The following JAZF1 variants were observed in gnomAD, a reference collection of about 807,000 sequenced individuals.
The protein encoded by JAZF1 is juxtaposed with another zinc finger protein 1.
A neutral mutation model predicts 26.4 loss-of-function variants in JAZF1; 8 were observed. The ratio of observed to expected loss-of-function variants is 0.30; its 90% CI spans 0.18 to 0.55. The LOEUF (loss-of-function observed/expected upper bound fraction) is 0.55, where lower values mean the gene tolerates loss of function less well. Among genes scored for constraint, JAZF1 ranks in the 20% least tolerant of loss-of-function variants. JAZF1 has a pLI of 0.94. For missense variants in JAZF1, 199 were observed against 322.0 expected (o/e 0.62, Z 2.92); for synonymous variants, 126 against 122.3 (o/e 1.03, Z -0.20).
At chr7:28,076,426 G>A (rs1222835002) in intron 1 of JAZF1, among the ~76,000 whole-genome samples, 3 of 152,060 alleles carry the variant, frequency 2.0e-5, no homozygotes, top group Non-Finnish European at 4.4e-5. Context: ...AAGGCCAAAG[G>A]TTCAATGCAG....
chr7:28,140,448 T>C (rs1300023350), intron 1 of JAZF1, among the ~76,000 whole-genome samples: 1 of 152,026 alleles, frequency 6.6e-6, no homozygotes, highest in African/African-American at 2.4e-5. Context: ...TGTCAAAATA[T>C]GAGGAAGGCT....
Position 28,070,576 on chromosome 7 carries a change from G to A in JAZF1, c.116-78595C>T, listed in dbSNP as rs535612710. ...ACGATCCTGCCCCATGTCCGGCTCC[G>A]GGCAGGCTGTCAGTGGCAGCTGGTC... On this transcript the variant is annotated intron_variant, in intron 1 of 4. Coordinates refer to ENST00000283928, the MANE Select transcript of JAZF1 (RefSeq NM_175061.4). 2.2e-3 allele frequency among the ~76,000 whole-genome samples: 328 copies of A among 152,264 alleles called. 1 individual carries two copies. Among genetic ancestry groups the A allele is most frequent in the African/African-American group, 7.5e-3 (313 of 41,560 alleles).
At chr7:27,944,939 A>G (rs1433933689) in intron 2 of JAZF1, among the ~76,000 whole-genome samples, 1 of 152,138 alleles carries the variant, frequency 6.6e-6, no homozygotes, top group Non-Finnish European at 1.5e-5. Context: ...CCCTTTCCGG[A>G]ACGCTGTCAT....
At chr7:28,068,152 T>C (rs1345109285) in intron 1 of JAZF1, among the ~76,000 whole-genome samples, 1 of 151,956 alleles carries the variant, frequency 6.6e-6, no homozygotes, top group Non-Finnish European at 1.5e-5. Flanking sequence ...TGACATCAGA[T>C]GATCTGCCCA....
At chr7:28,144,986 A>G (rs1783003850) in intron 1 of JAZF1, among the ~76,000 whole-genome samples, 1 of 152,150 alleles carries the variant, frequency 6.6e-6, no homozygotes, top group African/African-American at 2.4e-5. Context: ...AGATGAGATC[A>G]CTCTCCTCTT....
At chr7:28,042,252 C>T (rs138959432) in intron 1 of JAZF1, among the ~76,000 whole-genome samples, 5 of 152,208 alleles carry the variant, frequency 3.3e-5, no homozygotes, top group South Asian at 4.2e-4. Flanking sequence ...ATCTGATTAC[C>T]GTGCAGGGTG....
intron 1 of JAZF1, among the ~76,000 whole-genome samples, chr7:28,004,212 C>T (rs1033991287): frequency 6.6e-6 from 1 of 152,028 alleles, no homozygotes; most frequent in Admixed American, 6.6e-5. Context: ...GGGGGGGTAC[C>T]TGATGAGCCA....
At chr7:28,014,256 T>C (rs1327811358) in intron 1 of JAZF1, among the ~76,000 whole-genome samples, 1 of 152,134 alleles carries the variant, frequency 6.6e-6, no homozygotes, top group African/African-American at 2.4e-5. Context: ...TGGCTACTGG[T>C]TCCCAGTAAC....
intron 1 of JAZF1, among the ~76,000 whole-genome samples, chr7:28,042,424 A>G (rs552865748): frequency 6.6e-6 from 1 of 152,140 alleles, no homozygotes; most frequent in Non-Finnish European, 1.5e-5. Context: ...CAAGTTTTAG[A>G]AAGACCACTG....
At chr7:27,873,117 C>G (rs575471540) in intron 3 of JAZF1, among the ~76,000 whole-genome samples, 41 of 152,284 alleles carry the variant, frequency 2.7e-4, no homozygotes, top group African/African-American at 9.4e-4. Flanking sequence ...CACTGAAAAG[C>G]TTCCACATCA....
At chr7:27,914,228 A>G (rs1397117272) in intron 2 of JAZF1, among the ~76,000 whole-genome samples, 9 of 152,162 alleles carry the variant, frequency 5.9e-5, no homozygotes, top group Non-Finnish European at 8.8e-5. Flanking sequence ...CTGTAACTCC[A>G]TTTCACAAGT....
intron 1 of JAZF1, among the ~76,000 whole-genome samples, chr7:28,160,552 C>CT (rs1248806639): frequency 6.6e-6 from 1 of 152,104 alleles, no homozygotes; most frequent in Non-Finnish European, 1.5e-5. Context: ...GCTGCAAACT[C>CT]TAAGATTCTC....
At chr7:28,080,014 A>ATGTC (rs1554286692) in intron 1 of JAZF1, among the ~76,000 whole-genome samples, 2 of 152,210 alleles carry the variant, frequency 1.3e-5, no homozygotes, top group Non-Finnish European at 2.9e-5. Flanking sequence ...GTGCAATAAC[A>ATGTC]TGTCTTTAAA....
At chr7:27,848,229 A>C (rs77700230) in intron 3 of JAZF1, among the ~76,000 whole-genome samples, 1,713 of 152,190 alleles carry the variant, frequency 0.011, 32 homozygotes, top group African/African-American at 0.039. Flanking sequence ...GTCTTCTTCA[A>C]TTTCCTTCAT....
At chr7:27,911,741 G>A (rs1210564795) in intron 2 of JAZF1, among the ~76,000 whole-genome samples, 2 of 152,102 alleles carry the variant, frequency 1.3e-5, no homozygotes, top group Non-Finnish European at 2.9e-5. Flanking sequence ...TGGACAAACA[G>A]GTCAGTGATC....
intron 1 of JAZF1, among the ~76,000 whole-genome samples, chr7:28,013,911 C>A (rs1197433958): frequency 6.6e-6 from 1 of 152,056 alleles, no homozygotes; most frequent in Non-Finnish European, 1.5e-5. Flanking sequence ...GAACAGACTG[C>A]CATCAATATC....
At chr7:28,062,548 C>G (rs1201491312) in intron 1 of JAZF1, among the ~76,000 whole-genome samples, 1 of 136,176 alleles carries the variant, frequency 7.3e-6, no homozygotes, top group Non-Finnish European at 1.5e-5. Context: ...GGCCTTGTGC[C>G]CACCGTGATA....
chr7:27,859,299 T>G (rs1401720392), intron 3 of JAZF1, among the ~76,000 whole-genome samples: 1 of 152,178 alleles, frequency 6.6e-6, no homozygotes, highest in Non-Finnish European at 1.5e-5. Flanking sequence ...TTTCAACCAT[T>G]GTGGAAGACA....
At chr7:27,864,034 G>A (rs1211723478) in intron 3 of JAZF1, 1 of 152,278 alleles carries the variant, frequency 6.6e-6, no homozygotes, top group East Asian at 1.9e-4. Context: ...CAAGCCGCCA[G>A]CTTTGTGAAC....
Sources: allele counts gnomAD v4.1 joint callset (sites outside exome capture counted in the v4.1 genomes callset), GRCh38; gene constraint gnomAD v4.1.1; transcripts MANE v1.5; gene names NCBI Gene and HGNC (gene_info 2026-07-23, HGNC 2026-07-21).